Variants in KLF7 observed in about 807,000 individuals in gnomAD.
The protein encoded by KLF7 is KLF transcription factor 7, also known as Krueppel-like factor 7.
A neutral mutation model predicts 27.3 loss-of-function variants in KLF7; 2 were observed. The observed-to-expected ratio is 0.07, with a 90% confidence interval of 0.03 to 0.23. The LOEUF (loss-of-function observed/expected upper bound fraction) is 0.23, where lower values mean the gene tolerates loss of function less well. KLF7 is among the 10% of genes least tolerant of loss of function. The pLI is 1.00. For synonymous variants in KLF7, 165 were observed against 162.4 expected, an observed-to-expected ratio of 1.02 and a Z score of -0.12; for missense variants, 221 against 394.1, an observed-to-expected ratio of 0.56 and a Z score of 3.72.
chr2:207,154,373 G>A (rs191382261), intron 1 of KLF7, among the ~76,000 whole-genome samples: 108 of 152,274 alleles, frequency 7.1e-4, no homozygotes, highest in African/African-American at 2.4e-3. Context: ...AGAAAGAAAG[G>A]GGAAGAGATT....
At chr2:207,087,714 G>C (rs1190107421) in intron 3 of KLF7, among the ~76,000 whole-genome samples, 1 of 152,176 alleles carries the variant, frequency 6.6e-6, no homozygotes, top group Non-Finnish European at 1.5e-5. Flanking sequence ...ATTTGATTAT[G>C]TCTAAACCTA....
intron 1 of KLF7, among the ~76,000 whole-genome samples, chr2:207,143,978 T>G (rs1274276928): frequency 6.6e-6 from 1 of 152,052 alleles, no homozygotes; most frequent in Non-Finnish European, 1.5e-5. Context: ...AAGAGAGGGC[T>G]TCGCTCTCTG....
chr2:207,165,807 T>C lies in KLF7; in HGVS notation c.-239A>G, dbSNP rs2078690309. 2.2e-6 allele frequency: 3 copies of C among 1,355,158 alleles called. No individual in the cohort carries two copies. The highest frequency in any genetic ancestry group is 2.9e-6 in the Non-Finnish European group (3 of 1,052,594). 83.9% of individuals were successfully genotyped at this position (1,355,158 alleles called of 1,614,324 possible). The stretch of plus-strand genomic sequence containing the variant: ...GGAGAGAGGCATCCAGCGTGTACAG[T>C]GCAGACGACTGCCAGGAAAAGGGGA... On this transcript the variant is annotated 5_prime_UTR_variant, in exon 1 of 4. Coordinates refer to ENST00000309446, the MANE Select transcript of KLF7 (RefSeq NM_003709.4).
At chr2:207,105,505 C>G (rs961144239) in intron 2 of KLF7, among the ~76,000 whole-genome samples, 1 of 152,180 alleles carries the variant, frequency 6.6e-6, no homozygotes, top group East Asian at 1.9e-4. Context: ...GACTCCAAAG[C>G]CTGTTCTCCT....
intron 1 of KLF7, among the ~76,000 whole-genome samples, chr2:207,136,764 A>G (rs1034874604): frequency 6.6e-6 from 1 of 152,198 alleles, no homozygotes; most frequent in African/African-American, 2.4e-5. Context: ...CAGTGAACCA[A>G]TGAAGCCACT....
chr2:207,088,701 A>C, intron 2 of KLF7, 120 bp from the exon 3 acceptor site: 1 of 1,101,172 alleles, frequency 9.1e-7, no homozygotes, highest in Non-Finnish European at 1.2e-6. Context: ...TTCCTGAAAG[A>C]CTAGATTTCC....
intron 1 of KLF7, 111 bp from the exon 2 acceptor site, chr2:207,124,515 T>C (rs1034032405): frequency 2.8e-6 from 3 of 1,063,000 alleles, no homozygotes; most frequent in Non-Finnish European, 4.1e-6. Flanking sequence ...TGTCATGGCT[T>C]GTATCAGAAA....
At chr2:207,140,415 C>T (rs541323551) in intron 1 of KLF7, among the ~76,000 whole-genome samples, 15 of 152,226 alleles carry the variant, frequency 9.9e-5, no homozygotes, top group Admixed American at 3.3e-4. Flanking sequence ...TCCTTAGAGA[C>T]TAATGCATTT....
At chr2:207,130,634 T>C (rs111402022) in intron 1 of KLF7, among the ~76,000 whole-genome samples, 4 of 152,310 alleles carry the variant, frequency 2.6e-5, no homozygotes, top group African/African-American at 7.2e-5. Context: ...TACAACCATG[T>C]TTAGTTGGGG....
At chr2:207,088,667 C>A in intron 2 of KLF7, 86 bp from the exon 3 acceptor site, 1 of 1,464,022 alleles carries the variant, frequency 6.8e-7, no homozygotes, top group Non-Finnish European at 9.2e-7. Flanking sequence ...GCTGGTCAGG[C>A]TTGGGAAAGG....
At chr2:207,081,673 T>C (rs2076275287) in intron 3 of KLF7, among the ~76,000 whole-genome samples, 1 of 152,170 alleles carries the variant, frequency 6.6e-6, no homozygotes. Flanking sequence ...AAAGTGCTTT[T>C]GAAACCTGTG....
chr2:207,150,262 T>C (rs958328902), intron 1 of KLF7, among the ~76,000 whole-genome samples: 2 of 152,238 alleles, frequency 1.3e-5, no homozygotes, highest in Non-Finnish European at 2.9e-5. Flanking sequence ...AAGTTTACTT[T>C]GCAAAATTTA....
At chr2:207,157,508 C>T (rs1026073842) in intron 1 of KLF7, among the ~76,000 whole-genome samples, 1 of 152,184 alleles carries the variant, frequency 6.6e-6, no homozygotes, top group Non-Finnish European at 1.5e-5. Context: ...GCATTTACTA[C>T]ATGTGAAAAG....
At position 207,079,136 on chromosome 2, in the gene KLF7, T is replaced by G. The variant is rs2105838997; in HGVS notation, c.*2077A>C. ...AAAAGGAAAAGGAGAAAGTAAATTC[T>G]TAGGGCCAGACCTCGAAATGCCCCA... On this transcript the variant is annotated 3_prime_UTR_variant, in exon 4 of 4. Coordinates refer to ENST00000309446, the MANE Select transcript of KLF7 (RefSeq NM_003709.4). 1 of 152,170 alleles carries G rather than the reference T, an allele frequency of 6.6e-6. No homozygotes were observed. Among genetic ancestry groups the G allele is most frequent in the Non-Finnish European group, 1.5e-5 (1 of 68,010 alleles). 9.4% of individuals were successfully genotyped at this position (152,170 alleles called of 1,614,324 possible).
chr2:207,123,017 T>G (rs542953540), intron 2 of KLF7, among the ~76,000 whole-genome samples: 2 of 149,580 alleles, frequency 1.3e-5, no homozygotes, highest in South Asian at 4.2e-4. Flanking sequence ...AAACCCCACT[T>G]TTCCAAATTA....
chr2:207,173,327 G>A, the KLF7 span, among the ~76,000 whole-genome samples: 1 of 152,038 alleles, frequency 6.6e-6, no homozygotes. Flanking sequence ...AAATGAACTG[G>A]TTACAACCAC....
chr2:207,105,453 C>T (rs891085495), intron 2 of KLF7, among the ~76,000 whole-genome samples: 3 of 152,144 alleles, frequency 2.0e-5, no homozygotes, highest in Admixed American at 6.5e-5. Context: ...GGATAGACAC[C>T]CAGCTAATAA....
intron 3 of KLF7, among the ~76,000 whole-genome samples, chr2:207,084,794 G>A (rs953803956): frequency 3.3e-5 from 5 of 152,114 alleles, no homozygotes; most frequent in African/African-American, 4.8e-5. Context: ...CCTTAAATAA[G>A]AAGGTCCTTA....
intron 2 of KLF7, among the ~76,000 whole-genome samples, chr2:207,107,107 C>T (rs1298601856): frequency 2.0e-5 from 3 of 152,132 alleles, no homozygotes; most frequent in African/African-American, 7.2e-5. Context: ...AATACCTGCC[C>T]CGTAGGAAGG....
Sources: gnomAD v4.1 joint callset for allele counts (sites outside exome capture counted in the v4.1 genomes callset) on GRCh38, gnomAD v4.1.1 for gene constraint, MANE v1.5 for transcripts, NCBI Gene and HGNC (gene_info 2026-07-23, HGNC 2026-07-21) for gene names.